The following LRRC38 variants were observed in gnomAD, a reference collection of about 807,000 sequenced individuals.
LRRC38 encodes the protein leucine-rich repeat-containing protein 38.
Under a neutral mutation model 16.4 loss-of-function variants are expected in LRRC38, and 5 were observed. The ratio of observed to expected loss-of-function variants is 0.31; its 90% CI spans 0.16 to 0.64. LRRC38 has a LOEUF of 0.64. Among genes scored for constraint, LRRC38 ranks in the 30% least tolerant of loss-of-function variants. LRRC38 has a pLI of 0.80. For missense variants in LRRC38, 341 were observed against 401.8 expected (o/e 0.85, Z 1.29); for synonymous variants, 191 against 190.2 (o/e 1.00, Z -0.04).
chr1:13,501,333 G>A (rs1181878221), intron 1 of LRRC38, among the ~76,000 whole-genome samples: 2 of 152,088 alleles, frequency 1.3e-5, no homozygotes, highest in South Asian at 2.1e-4. Context: ...AGGGTAAGGG[G>A]TAAAGGGAAA....
intron 1 of LRRC38, among the ~76,000 whole-genome samples, chr1:13,503,239 T>G (rs904516309): frequency 1.3e-5 from 2 of 152,170 alleles, no homozygotes. Flanking sequence ...CAGCCAGCAC[T>G]CTAAATTGTT....
chr1:13,494,984 C>T (rs940903720), intron 1 of LRRC38, among the ~76,000 whole-genome samples: 1 of 152,144 alleles, frequency 6.6e-6, no homozygotes, highest in East Asian at 1.9e-4. Flanking sequence ...TGGTTTAGCC[C>T]CTACGAGGCC....
intron 1 of LRRC38, among the ~76,000 whole-genome samples, chr1:13,510,192 G>A (rs1311428547): frequency 3.3e-5 from 5 of 152,122 alleles, no homozygotes; most frequent in Admixed American, 2.0e-4. Flanking sequence ...TTCCTCCCCC[G>A]GAAGAGGCAG....
At chr1:13,486,990 G>A (rs1168177054) in intron 1 of LRRC38, among the ~76,000 whole-genome samples, 1 of 152,170 alleles carries the variant, frequency 6.6e-6, no homozygotes, top group Non-Finnish European at 1.5e-5. Flanking sequence ...AATCTTGGGT[G>A]GATTGACTAA....
intron 1 of LRRC38, among the ~76,000 whole-genome samples, chr1:13,476,781 G>T (rs1437676750): frequency 2.0e-5 from 3 of 152,196 alleles, no homozygotes; most frequent in African/African-American, 7.2e-5. Context: ...ATGGGTCAGT[G>T]CCAACTAGCG....
chr1:13,488,766 A>C (rs1400922424), intron 1 of LRRC38, among the ~76,000 whole-genome samples: 2 of 152,146 alleles, frequency 1.3e-5, no homozygotes, highest in Non-Finnish European at 2.9e-5. Context: ...TTACGTGCTC[A>C]CTGGAAATTT....
At chr1:13,502,839 G>C (rs376500592) in intron 1 of LRRC38, among the ~76,000 whole-genome samples, 6 of 152,288 alleles carry the variant, frequency 3.9e-5, no homozygotes, top group African/African-American at 1.4e-4. Flanking sequence ...CCCACTCCAG[G>C]TGACCACCTT....
At chr1:13,511,825 G>A (rs1387010046) in intron 1 of LRRC38, among the ~76,000 whole-genome samples, 2 of 152,070 alleles carry the variant, frequency 1.3e-5, no homozygotes, top group Non-Finnish European at 2.9e-5. Context: ...ATGGCTCAGG[G>A]GCCTGCATTT....
At chr1:13,483,067 C>T (rs915688180) in intron 1 of LRRC38, among the ~76,000 whole-genome samples, 4 of 152,138 alleles carry the variant, frequency 2.6e-5, no homozygotes, top group African/African-American at 4.8e-5. Flanking sequence ...CTCCCAGGCA[C>T]GAGACCTAGG....
At chr1:13,498,059 T>C (rs1294728729) in intron 1 of LRRC38, among the ~76,000 whole-genome samples, 1 of 151,830 alleles carries the variant, frequency 6.6e-6, no homozygotes, top group Non-Finnish European at 1.5e-5. Context: ...GTTTTAAATA[T>C]GGCTGCTGGA....
At chr1:13,483,067 C>G (rs915688180) in intron 1 of LRRC38, among the ~76,000 whole-genome samples, 2 of 152,140 alleles carry the variant, frequency 1.3e-5, no homozygotes, top group South Asian at 4.1e-4. Context: ...CTCCCAGGCA[C>G]GAGACCTAGG....
At chr1:13,512,896 C>G in intron 1 of LRRC38, 67 bp downstream of exon 1, 2 of 1,387,334 alleles carry the variant, frequency 1.4e-6, no homozygotes, top group Non-Finnish European at 1.9e-6. Context: ...CCCACCCAGA[C>G]TGGGGTCTGG....
At chr1:13,503,820 G>A (rs1285627561) in intron 1 of LRRC38, among the ~76,000 whole-genome samples, 1 of 152,178 alleles carries the variant, frequency 6.6e-6, no homozygotes, top group African/African-American at 2.4e-5. Flanking sequence ...TGGCCTTTGA[G>A]AAGCTGCCCC....
chr1:13,509,084 C>A (rs12726354), intron 1 of LRRC38, among the ~76,000 whole-genome samples: 10,590 of 152,214 alleles, frequency 0.07, 468 homozygotes, highest in South Asian at 0.13. Context: ...TTCTGGGAAG[C>A]TGTCTCCACC....
rs202178891 is a variant in LRRC38, at chr1:13,475,894, G to A, written c.837C>T (p.Cys279=). ...CATCCTCCGCATCTTTGTTGGGTGCGCACCTCTGGAGGCACTGCACCACAG... is the reference window on the plus strand; with the variant it reads ...CATCCTCCGCATCTTTGTTGGGTGCACACCTCTGGAGGCACTGCACCACAG... ...LATVVQCLQR[C]APNKDAEDED... is the part of the protein sequence containing the mutation. Residue 279 remains cysteine, a synonymous_variant, in exon 2 of 2, where the codon TGC becomes TGT. Transcript: ENST00000376085. The surrounding 1 kb of genome is among the most constrained non-coding windows in gnomAD (Gnocchi z 4.3). 47 of 1,550,352 alleles carry A rather than the reference G, an allele frequency of 3.0e-5. No individual in the cohort carries two copies. The highest frequency in any genetic ancestry group is 2.0e-5 in the Admixed American group (1 of 50,962).
rs183206567 is a variant in LRRC38 at position 13,502,399 on chromosome 1, G to T, written c.631+10564C>A. Among the ~76,000 whole-genome samples, 295 of 152,150 alleles carry T rather than the reference G, an allele frequency of 1.9e-3. 1 individual carries two copies. Among genetic ancestry groups the T allele is most frequent in the African/African-American group, 6.0e-3 (248 of 41,516 alleles). ...GGGGCTCCCATACCTGCCCCCACTTGCTTCCCCAGCCTTGCTGCTCCCAGG... is the reference window on the plus strand; with the variant it reads ...GGGGCTCCCATACCTGCCCCCACTTTCTTCCCCAGCCTTGCTGCTCCCAGG... On this transcript the variant is annotated intron_variant, in intron 1 of 1. Coordinates refer to ENST00000376085, the MANE Select transcript of LRRC38 (RefSeq NM_001010847.2).
chr1:13,492,309 G>A (rs941077204), intron 1 of LRRC38, among the ~76,000 whole-genome samples: 1 of 152,166 alleles, frequency 6.6e-6, no homozygotes, highest in Admixed American at 6.5e-5. Context: ...TTTTAAGGCT[G>A]CATAATAATC....
intron 1 of LRRC38, among the ~76,000 whole-genome samples, chr1:13,482,581 GAAAAAAA>G (rs79709070): frequency 1.4e-4 from 18 of 128,312 alleles, no homozygotes; most frequent in African/African-American, 3.5e-4. Flanking sequence ...CTCCATCTCG[GAAAAAAA>G]AAAAAAAAAG....
At chr1:13,492,681 GAC>G (rs1003213996) in intron 1 of LRRC38, among the ~76,000 whole-genome samples, 3 of 151,986 alleles carry the variant, frequency 2.0e-5, no homozygotes, top group African/African-American at 7.2e-5. Flanking sequence ...CAGCCTGGGT[GAC>G]AGAGTGAGAC....
Sources: allele counts gnomAD v4.1 joint callset (sites outside exome capture counted in the v4.1 genomes callset), GRCh38; gene constraint gnomAD v4.1.1; non-coding constraint Gnocchi (gnomAD v3.1); transcripts MANE v1.5; gene names NCBI Gene and HGNC (gene_info 2026-07-23, HGNC 2026-07-21).